PBX4: variants seen among roughly 807,000 people sequenced by gnomAD.
PBX4 encodes pre-B-cell leukemia transcription factor 4.
PBX4 carries 26 observed loss-of-function variants against 35.1 expected under a neutral mutation model. The ratio of observed to expected loss-of-function variants is 0.74; its 90% CI spans 0.54 to 1.03. The LOEUF is 1.03. Ranked by LOEUF, PBX4 falls within the 50% of genes least tolerant of loss-of-function variation. The pLI is 0.00. For synonymous variants in PBX4, 199 were observed against 204.2 expected (o/e 0.97, Z 0.22); for missense variants, 448 against 504.3 (o/e 0.89, Z 1.07).
rs557904036 is a variant in PBX4, at chr19:19,596,102, TA to T, written c.193+3189del. Among the ~76,000 whole-genome samples, 5 of 151,918 alleles carry T rather than the reference TA, an allele frequency of 3.3e-5. No homozygotes were observed. In the South Asian group the frequency reaches 1.0e-3, roughly 32 times the overall value. ...ACAGAGTGAGACCCTGTCTCAAAAA[TA>T]AAAATAAGCTGGGTGCGGTGGATCA... On this transcript the variant is annotated intron_variant, in intron 2 of 7. Transcript: ENST00000251203.
At chr19:19,606,257 C>T (rs1351935890) in intron 1 of PBX4, 1 of 152,164 alleles carries the variant, frequency 6.6e-6, no homozygotes, top group African/African-American at 2.4e-5. Flanking sequence ...AGAGAGTCAC[C>T]CACTGGCACC....
At chr19:19,605,966 A>T (rs1175319535) in intron 1 of PBX4, among the ~76,000 whole-genome samples, 1 of 152,126 alleles carries the variant, frequency 6.6e-6, no homozygotes, top group East Asian at 1.9e-4. Context: ...CTATGAAAAG[A>T]AAACAAGTTC....
At chr19:19,608,215 G>C (rs2061642368) in intron 1 of PBX4, 1 of 152,150 alleles carries the variant, frequency 6.6e-6, no homozygotes, top group African/African-American at 2.4e-5. Flanking sequence ...GAGCCAGGCT[G>C]TGGTGACCAG....
At chr19:19,614,181 G>C (rs2061676911) in intron 1 of PBX4, among the ~76,000 whole-genome samples, 1 of 149,258 alleles carries the variant, frequency 6.7e-6, no homozygotes, top group Non-Finnish European at 1.5e-5. Flanking sequence ...ACAAAAATTA[G>C]CCAGCCATTC....
chr19:19,575,955 C>T (rs1243781015), intron 2 of PBX4, among the ~76,000 whole-genome samples: 1 of 152,206 alleles, frequency 6.6e-6, no homozygotes, highest in African/African-American at 2.4e-5. Flanking sequence ...ACCTCCACAC[C>T]TTCCATTACA....
chr19:19,592,198 A>C (rs2061532882), intron 2 of PBX4, among the ~76,000 whole-genome samples: 1 of 152,162 alleles, frequency 6.6e-6, no homozygotes, highest in Non-Finnish European at 1.5e-5. Context: ...GACACATCTT[A>C]AATCCAACGC....
intron 1 of PBX4, among the ~76,000 whole-genome samples, chr19:19,599,719 T>C (rs1019789857): frequency 2.0e-5 from 3 of 152,106 alleles, no homozygotes; most frequent in African/African-American, 7.2e-5. Flanking sequence ...ATGCCTATAA[T>C]CCCAGAACTT....
In PBX4 at chr19:19,563,943, G is replaced by T. The variant is rs2061324726; in HGVS notation, c.926-328C>A. The T allele has an allele frequency of 4.7e-6, 1 of 211,738 alleles. No homozygotes were observed. Among genetic ancestry groups the T allele is most frequent in the Non-Finnish European group, 9.7e-6 (1 of 103,080 alleles). The allele number at this position is 211,738 out of a possible 1,614,324, so 13.1% of individuals were successfully genotyped here. On this transcript the variant is annotated intron_variant, in intron 6 of 7. Coordinates refer to ENST00000251203, the MANE Select transcript of PBX4 (RefSeq NM_025245.3). The surrounding 1 kb of genome is among the most constrained non-coding windows in gnomAD (Gnocchi z 5.1). ...CTGCCTCAGCCTCCCAAGTAGCTGG[G>T]ACTACAGGCGCCCACCACCACGCCC... is the stretch of plus-strand genomic sequence containing the variant.
At chr19:19,565,621 A>C (rs1422927870) in intron 5 of PBX4, among the ~76,000 whole-genome samples, 2 of 152,216 alleles carry the variant, frequency 1.3e-5, no homozygotes, top group Admixed American at 6.5e-5. Flanking sequence ...AATTTTAATT[A>C]AAAAAAGGTT....
Position 19,570,305 on chromosome 19 carries a change from G to A in PBX4, c.442-6C>T, listed in dbSNP as rs773027249. 2 of 1,594,544 alleles carry A rather than the reference G, an allele frequency of 1.3e-6. No individual in the cohort carries two copies. Among genetic ancestry groups the A allele is most frequent in the South Asian group, 1.1e-5 (1 of 88,932 alleles). ...GTGGTGAACTCACGACAGGCCTGGG[G>A]TGGGAGCACAGACACGCCGGCCTGT... On this transcript the variant is annotated splice_region_variant and splice_polypyrimidine_tract_variant and intron_variant, in intron 3 of 7. Coordinates refer to ENST00000251203, the MANE Select transcript of PBX4 (RefSeq NM_025245.3).
chr19:19,562,093 T>A lies in PBX4; in HGVS notation c.1057A>T (p.Thr353Ser). The A allele has an allele frequency of 6.2e-7, 1 of 1,611,414 alleles. No individual in the cohort carries two copies. The highest frequency in any genetic ancestry group is 8.5e-7 in the Non-Finnish European group (1 of 1,179,038). ...GGTGAGGCAGTTGCAGGTTGGGGGG[T>A]GGCCCCCTGCCAGCTACCCTGGGCC... ...SQAQGSWQGA[T>S]PQPATASPAG... is the part of the protein sequence containing the mutation. The change falls in exon 8 of 8, where the codon ACC (threonine) becomes TCC (serine). Residue 353 changes from threonine (T) to serine (S), a missense_variant. Coordinates refer to ENST00000251203, the MANE Select transcript of PBX4 (RefSeq NM_025245.3). The surrounding 1 kb of genome is among the most constrained non-coding windows in gnomAD (Gnocchi z 4.8).
intron 2 of PBX4, among the ~76,000 whole-genome samples, chr19:19,583,416 GCCTGGGC>G (rs1237627579): frequency 6.6e-6 from 1 of 152,086 alleles, no homozygotes; most frequent in Non-Finnish European, 1.5e-5. Flanking sequence ...TTTGAGAGCA[GCCTGGGC>G]AACATAGCAA....
chr19:19,607,644 T>C (rs937028424), intron 1 of PBX4, among the ~76,000 whole-genome samples: 1 of 152,240 alleles, frequency 6.6e-6, no homozygotes, highest in Non-Finnish European at 1.5e-5. Context: ...AAGTACCATA[T>C]GCTGGTCCTT....
chr19:19,582,471 C>A (rs1184932639), intron 2 of PBX4, among the ~76,000 whole-genome samples: 2 of 152,258 alleles, frequency 1.3e-5, no homozygotes, highest in East Asian at 3.9e-4. Context: ...ACAATGCAGA[C>A]ACCAAGGGAA....
chr19:19,603,095 G>A (rs564266202), intron 1 of PBX4, among the ~76,000 whole-genome samples: 4 of 152,248 alleles, frequency 2.6e-5, no homozygotes, highest in South Asian at 2.1e-4. Flanking sequence ...GTTCTGGGCC[G>A]TGCTTTCCCT....
At chr19:19,584,551 T>C (rs1187192691) in intron 2 of PBX4, among the ~76,000 whole-genome samples, 1 of 151,026 alleles carries the variant, frequency 6.6e-6, no homozygotes, top group East Asian at 1.9e-4. Context: ...ATGGATGTAA[T>C]GGACAACTTC....
chr19:19,593,949 G>C (rs548553168), intron 2 of PBX4, among the ~76,000 whole-genome samples: 31 of 151,280 alleles, frequency 2.0e-4, no homozygotes, highest in Non-Finnish European at 8.9e-5. Context: ...AACATACTAA[G>C]ACCTCATCCC....
Position 19,562,971 on chromosome 19 carries a change from T to A in PBX4, c.1032+538A>T, listed in dbSNP as rs2061317305. 6.6e-6 allele frequency among the ~76,000 whole-genome samples: 1 copy of A among 151,926 alleles called. No individual in the cohort carries two copies. Among genetic ancestry groups the A allele is most frequent in the African/African-American group, 2.4e-5 (1 of 41,340 alleles). On this transcript the variant is annotated intron_variant, in intron 7 of 7. Transcript: ENST00000251203. The surrounding 1 kb of genome is among the most constrained non-coding windows in gnomAD (Gnocchi z 4.8). ...TCTCTGAACCCCTGGGAGAGAGTGG[T>A]GAGTTGGGAGGGGCACCCGGCTCTG... is the stretch of plus-strand genomic sequence containing the variant.
At chr19:19,592,864 C>G (rs1028579927) in intron 2 of PBX4, among the ~76,000 whole-genome samples, 1 of 152,150 alleles carries the variant, frequency 6.6e-6, no homozygotes, top group African/African-American at 2.4e-5. Flanking sequence ...GAGGGACAGG[C>G]CCTGGGTCCC....
Sources: allele counts gnomAD v4.1 joint callset (sites outside exome capture counted in the v4.1 genomes callset), GRCh38; gene constraint gnomAD v4.1.1; non-coding constraint Gnocchi (gnomAD v3.1); transcripts MANE v1.5; gene names NCBI Gene and HGNC (gene_info 2026-07-23, HGNC 2026-07-21).